Variants in PID1 observed in about 807,000 individuals in gnomAD.
The protein encoded by PID1 is PTB-containing, cubilin and LRP1-interacting protein.
In PID1, 10 loss-of-function variants were observed where a neutral mutation model predicts 19.1. That is an observed-to-expected ratio of 0.52 (90% CI 0.32 to 0.89). The LOEUF (loss-of-function observed/expected upper bound fraction) is 0.89, where lower values mean the gene tolerates loss of function less well. Among genes scored for constraint, PID1 ranks in the 40% least tolerant of loss-of-function variants. The pLI, the probability that PID1 is intolerant of heterozygous loss-of-function variation, is 0.03. For synonymous variants in PID1, 130 were observed against 116.0 expected (o/e 1.12, Z -0.78); for missense variants, 248 against 285.3 (o/e 0.87, Z 0.94).
At chr2:229,032,898 C>T (rs1002321958) in intron 2 of PID1, among the ~76,000 whole-genome samples, 2 of 152,084 alleles carry the variant, frequency 1.3e-5, no homozygotes, top group Non-Finnish European at 2.9e-5. Flanking sequence ...GCTGTGAAGC[C>T]AAGGGACCCG....
At chr2:229,183,798 A>G (rs1559273365) in intron 1 of PID1, among the ~76,000 whole-genome samples, 2 of 151,604 alleles carry the variant, frequency 1.3e-5, no homozygotes, top group Admixed American at 1.3e-4. Context: ...TAGATCTCTA[A>G]TATCACAGCC....
intron 1 of PID1, among the ~76,000 whole-genome samples, chr2:229,189,280 C>T (rs1691206054): frequency 6.6e-6 from 1 of 152,208 alleles, no homozygotes; most frequent in Admixed American, 6.5e-5. Context: ...TTACACACTA[C>T]CTGGGCCAAT....
rs1287095798 is a variant in PID1, at chr2:229,024,443, T to A, written c.*1189A>T. On this transcript the variant is annotated 3_prime_UTR_variant, in exon 3 of 3. Coordinates refer to ENST00000392055, the MANE Select transcript of PID1 (RefSeq NM_001100818.2). ...ACCATGAAATTAAGAAATCTCAGGA[T>A]TGTTTTAGTGAGAACTTCCCATTCA... 6.6e-6 allele frequency: 1 copy of A among 152,588 alleles called. No individual in the cohort carries two copies. The highest frequency in any genetic ancestry group is 1.5e-5 in the Non-Finnish European group (1 of 68,024). The allele number at this position is 152,588 out of a possible 1,614,324, so 9.5% of individuals were successfully genotyped here.
intron 1 of PID1, among the ~76,000 whole-genome samples, chr2:229,243,724 T>C (rs1689932778): frequency 6.6e-6 from 1 of 152,124 alleles, no homozygotes; most frequent in Admixed American, 6.6e-5. Flanking sequence ...CCAAGGGAAC[T>C]AATCAAATAA....
chr2:229,271,177 G>A lies in PID1; in HGVS notation c.-134C>T. 3.0e-6 allele frequency: 3 copies of A among 989,790 alleles called. No individual in the cohort carries two copies. The highest frequency in any genetic ancestry group is 5.9e-5 in the East Asian group (2 of 33,840). The allele number at this position is 989,790 out of a possible 1,614,324, so 61.3% of individuals were successfully genotyped here. On this transcript the variant is annotated 5_prime_UTR_variant, in exon 1 of 3. Transcript: ENST00000392055. ...GTGCGTCCTGGCGCTGGCCACCGCC[G>A]CCGGGTGGGCGTAGGGGGCTGCGAG...
At chr2:229,176,722 T>C (rs559774275) in intron 1 of PID1, among the ~76,000 whole-genome samples, 26 of 152,256 alleles carry the variant, frequency 1.7e-4, no homozygotes, top group African/African-American at 6.0e-4. Flanking sequence ...TCATATGCTT[T>C]CTCCTTCACC....
chr2:229,068,544 T>C (rs1694380129), intron 2 of PID1, among the ~76,000 whole-genome samples: 1 of 152,230 alleles, frequency 6.6e-6, no homozygotes, highest in Admixed American at 6.5e-5. Flanking sequence ...CGTCATTTTG[T>C]CAGTTACAGG....
chr2:229,113,375 C>T (rs1695336659), intron 2 of PID1, among the ~76,000 whole-genome samples: 1 of 146,694 alleles, frequency 6.8e-6, no homozygotes, highest in African/African-American at 2.5e-5. Context: ...GTCTGGAGCC[C>T]CTACTATTTT....
chr2:229,183,198 G>A (rs977405072), intron 1 of PID1, among the ~76,000 whole-genome samples: 4 of 152,186 alleles, frequency 2.6e-5, no homozygotes, highest in Admixed American at 2.6e-4. Context: ...GGACGCAGAG[G>A]CTGGAGGCAA....
Position 229,026,116 on chromosome 2 carries a change from T to G in PID1, c.178-8A>C. Reference sequence around the variant, plus strand: ...TTTGCCCAGGTAGGTAACCTGCAGATGCAAGAGAGGAAGAAAAGGGAGGCA... The same window carrying G: ...TTTGCCCAGGTAGGTAACCTGCAGAGGCAAGAGAGGAAGAAAAGGGAGGCA... On this transcript the variant is annotated splice_region_variant and splice_polypyrimidine_tract_variant and intron_variant, in intron 2 of 2. Coordinates refer to ENST00000392055, the MANE Select transcript of PID1 (RefSeq NM_001100818.2). 1 of 1,599,582 alleles carries G rather than the reference T, an allele frequency of 6.3e-7. No homozygotes were observed.
chr2:229,099,898 G>T (rs1022744990), intron 2 of PID1, among the ~76,000 whole-genome samples: 1 of 152,146 alleles, frequency 6.6e-6, no homozygotes, highest in Non-Finnish European at 1.5e-5. Context: ...GAATGTTTGT[G>T]TCCCTCCAAA....
chr2:229,024,145 A>C lies in PID1; in HGVS notation c.*1487T>G, dbSNP rs1306681798. The C allele has an allele frequency of 6.6e-6, 1 of 152,644 alleles. No homozygotes were observed. Among genetic ancestry groups the C allele is most frequent in the Non-Finnish European group, 1.5e-5 (1 of 68,038 alleles). The allele number at this position is 152,644 out of a possible 1,614,324, so 9.5% of individuals were successfully genotyped here. ...ACATGCCTGAAAACTGGGCCCACAC[A>C]CAGGGGCACACGTACACGCACACAA... On this transcript the variant is annotated 3_prime_UTR_variant, in exon 3 of 3. Transcript: ENST00000392055.
intron 1 of PID1, chr2:229,236,673 G>T: frequency 6.6e-6 from 1 of 152,312 alleles, no homozygotes; most frequent in Non-Finnish European, 1.5e-5. Context: ...AAGGTGGAGA[G>T]CATAACTTGA....
rs1299082304 is a variant in PID1 at position 229,271,193 on chromosome 2, G to T, written c.-150C>A. 5.1e-6 allele frequency: 4 copies of T among 783,700 alleles called. No individual in the cohort carries two copies. Among genetic ancestry groups the T allele is most frequent in the Non-Finnish European group, 7.8e-6 (4 of 515,328 alleles). 48.5% of individuals were successfully genotyped at this position (783,700 alleles called of 1,614,324 possible). A position where few individuals can be genotyped will look rare whatever the true frequency, so the allele number is the denominator to read the frequency against. On this transcript the variant is annotated 5_prime_UTR_variant, in exon 1 of 3. Transcript: ENST00000392055. ...GCCACCGCCGCCGGGTGGGCGTAGG[G>T]GGCTGCGAGCAGGAGGAGGCGCGGC... is the stretch of plus-strand genomic sequence containing the variant.
intron 2 of PID1, among the ~76,000 whole-genome samples, chr2:229,069,357 G>T (rs545967440): frequency 6.6e-6 from 1 of 152,006 alleles, no homozygotes; most frequent in Non-Finnish European, 1.5e-5. Flanking sequence ...GGAGAGAGGC[G>T]CCAGGCACAG....
intron 1 of PID1, among the ~76,000 whole-genome samples, chr2:229,236,774 A>T (rs1689696446): frequency 6.6e-6 from 1 of 152,116 alleles, no homozygotes; most frequent in Admixed American, 6.6e-5. Context: ...GTTACAGAAG[A>T]CAGATAAAGC....
intron 2 of PID1, among the ~76,000 whole-genome samples, chr2:229,126,712 C>T (rs1354438722): frequency 6.6e-6 from 1 of 152,222 alleles, no homozygotes; most frequent in African/African-American, 2.4e-5. Flanking sequence ...TAAATTTCTT[C>T]GTACCTTTGC....
chr2:229,153,870 CATATA>C (rs1309156590), intron 2 of PID1, among the ~76,000 whole-genome samples: 3 of 152,182 alleles, frequency 2.0e-5, no homozygotes, highest in Non-Finnish European at 4.4e-5. Flanking sequence ...AATTCTCCTC[CATATA>C]CTTGTCCCTA....
intron 1 of PID1, among the ~76,000 whole-genome samples, chr2:229,219,203 T>G (rs1691912124): frequency 6.6e-6 from 1 of 152,140 alleles, no homozygotes; most frequent in African/African-American, 2.4e-5. Flanking sequence ...ATTCTCACAC[T>G]GCTAATAAAG....
Sources: gnomAD v4.1 joint callset for allele counts (sites outside exome capture counted in the v4.1 genomes callset) on GRCh38, gnomAD v4.1.1 for gene constraint, MANE v1.5 for transcripts, NCBI Gene and HGNC (gene_info 2026-07-23, HGNC 2026-07-21) for gene names.